Variants in EIF3K observed in about 807,000 individuals in gnomAD.
The protein encoded by EIF3K is eIF-3 p28.
In EIF3K, 27 loss-of-function variants were observed where a neutral mutation model predicts 34.2. The ratio of observed to expected loss-of-function variants is 0.79; its 90% CI spans 0.58 to 1.09. EIF3K has a LOEUF of 1.09. EIF3K is among the 50% of genes least tolerant of loss of function. The pLI is 0.00. For synonymous variants in EIF3K, 105 were observed against 105.7 expected, an observed-to-expected ratio of 0.99 and a Z score of 0.04; for missense variants, 232 against 275.4, an observed-to-expected ratio of 0.84 and a Z score of 1.11.
rs547047947 is a variant in EIF3K, at chr19:38,626,658, C to G, written c.354+556C>G. On this transcript the variant is annotated intron_variant, in intron 4 of 7. Transcript: ENST00000248342. ...GTCTCAAGAAAGAGAAATTCTCCGT[C>G]TCTTCTACCTGTCTGACATGCTCTG... is the stretch of plus-strand genomic sequence containing the variant. Among the ~76,000 whole-genome samples, 272 of 152,282 alleles carry G rather than the reference C, an allele frequency of 1.8e-3. 3 individuals are homozygous for G. Among genetic ancestry groups the G allele is most frequent in the Non-Finnish European group, 2.8e-3 (193 of 68,010 alleles).
At position 38,635,039 on chromosome 19, in the gene EIF3K, C is replaced by T. The variant is rs771679583; in HGVS notation, c.546C>T (p.Asp182=). ...VWMSKYGWSA[D]ESGQIFICSQ... is the part of the protein sequence containing the mutation. The stretch of plus-strand genomic sequence containing the variant: ...TGAGCAAATACGGCTGGAGTGCCGA[C>T]GAGTCGGGGCAGATCTTCATCTGTA... Residue 182 remains aspartate, a synonymous_variant, in exon 7 of 8, where the codon GAC becomes GAT. Coordinates refer to ENST00000248342, the MANE Select transcript of EIF3K (RefSeq NM_013234.4). 15 of 1,614,066 alleles carry T rather than the reference C, an allele frequency of 9.3e-6. No homozygotes were observed. The highest frequency in any genetic ancestry group is 6.7e-5 in the African/African-American group (5 of 74,944).
At chr19:38,634,918 C>T in intron 6 of EIF3K, 75 bp from the exon 7 acceptor site, 1 of 1,598,950 alleles carries the variant, frequency 6.3e-7, no homozygotes, top group Non-Finnish European at 8.5e-7. Context: ...TGAGCCATGA[C>T]TCTGTTGCCT....
At chr19:38,634,264 T>TTTA (rs1976137996) in intron 6 of EIF3K, among the ~76,000 whole-genome samples, 1 of 74,494 alleles carries the variant, frequency 1.3e-5, no homozygotes, top group Non-Finnish European at 2.4e-5. Flanking sequence ...GCCCAGCTAA[T>TTTA]TTTTTTTTTT....
Position 38,619,325 on chromosome 19 carries a change from C to G in EIF3K, c.57C>G (p.Asp19Glu), listed in dbSNP as rs1975781855. 1 of 1,613,794 alleles carries G rather than the reference C, an allele frequency of 6.2e-7. No homozygotes were observed. Among genetic ancestry groups the G allele is most frequent in the Non-Finnish European group, 8.5e-7 (1 of 1,179,900 alleles). Residue 19 changes from aspartate (D) to glutamate (E), a missense_variant and splice_region_variant, in exon 1 of 8, where the codon GAC becomes GAG. Coordinates refer to ENST00000248342, the MANE Select transcript of EIF3K (RefSeq NM_013234.4). ...ANVGKLLKGI[D>E]RYNPENLATL... ...TGGGCAAGTTGCTCAAGGGTATCGA[C>G]AGGTCTGAGCCCGGTTGGAGGAAGC...
intron 2 of EIF3K, 26 bp from the exon 3 acceptor site, chr19:38,624,051 G>T: frequency 1.9e-6 from 3 of 1,613,794 alleles, no homozygotes; most frequent in South Asian, 1.1e-5. Flanking sequence ...TGCCACTGTG[G>T]CCACGTCTCT....
At chr19:38,626,137 G>T (rs1242487079) in intron 4 of EIF3K, 35 bp downstream of exon 4, 1 of 1,595,120 alleles carries the variant, frequency 6.3e-7, no homozygotes. Context: ...AGGGGAGATG[G>T]CAGGGCCATG....
intron 2 of EIF3K, among the ~76,000 whole-genome samples, chr19:38,622,222 C>T (rs2368477): frequency 0.061 from 9,200 of 151,336 alleles, 1,044 homozygotes; most frequent in East Asian, 0.5. Flanking sequence ...CCTCCTGCCT[C>T]GGCCTCCTAA....
chr19:38,632,280 C>G, intron 4 of EIF3K, 150 bp from the exon 5 acceptor site: 1 of 700,814 alleles, frequency 1.4e-6, no homozygotes. Flanking sequence ...AATCTTAGCA[C>G]TTTGGGGGGC....
At chr19:38,622,217 T>C (rs573260195) in intron 2 of EIF3K, among the ~76,000 whole-genome samples, 1 of 151,908 alleles carries the variant, frequency 6.6e-6, no homozygotes, top group South Asian at 2.1e-4. Context: ...GTAATCCTCC[T>C]GCCTCGGCCT....
At position 38,632,169 on chromosome 19, in the gene EIF3K, G is replaced by A. The variant is rs144809217; in HGVS notation, c.355-261G>A. 5 of 431,134 alleles carry A rather than the reference G, an allele frequency of 1.2e-5. No homozygotes were observed. The East Asian group carries it at 1.3e-4, about 11-fold the overall frequency. The allele number at this position is 431,134 out of a possible 1,614,324, so 26.7% of individuals were successfully genotyped here. ...GGTGGCTCACCCCTGTAATCCCAAC[G>A]CTTTGAGAGGCCAGCGTGGGCAGAT... On this transcript the variant is annotated intron_variant, in intron 4 of 7. Coordinates refer to ENST00000248342, the MANE Select transcript of EIF3K (RefSeq NM_013234.4).
At position 38,621,204 on chromosome 19, in the gene EIF3K, A is replaced by T. The variant is rs1000757602; in HGVS notation, c.158+769A>T. 2.0e-5 allele frequency among the ~76,000 whole-genome samples: 3 copies of T among 151,656 alleles called. No homozygotes were observed. In the South Asian group the frequency reaches 6.2e-4, roughly 32 times the overall value. On this transcript the variant is annotated intron_variant, in intron 2 of 7. Transcript: ENST00000248342. Reference sequence around the variant, plus strand: ...GAGTGAGACCCCTCTTTTTAAAAAAAAAAAAAAAAAAAAGAATTACCAATT... The same window carrying T: ...GAGTGAGACCCCTCTTTTTAAAAAATAAAAAAAAAAAAAGAATTACCAATT...
intron 6 of EIF3K, 146 bp downstream of exon 6, chr19:38,632,824 A>G: frequency 3.0e-6 from 2 of 668,852 alleles, no homozygotes; most frequent in Non-Finnish European, 5.0e-6. Context: ...AGAACTTGGT[A>G]TAAGACAGTC....
At chr19:38,626,154 T>C (rs757859136) in intron 4 of EIF3K, 52 bp downstream of exon 4, 4 of 1,559,360 alleles carry the variant, frequency 2.6e-6, no homozygotes, top group Middle Eastern at 1.7e-4. Context: ...CATGTGGAGC[T>C]GAGTGCTAAA....
intron 4 of EIF3K, among the ~76,000 whole-genome samples, chr19:38,626,504 A>T (rs999679373): frequency 6.6e-6 from 1 of 152,112 alleles, no homozygotes; most frequent in Non-Finnish European, 1.5e-5. Context: ...ATTGAAAATT[A>T]ATTGGGTGTG....
chr19:38,619,927 C>T (rs1258108708), intron 1 of EIF3K, among the ~76,000 whole-genome samples: 1 of 152,070 alleles, frequency 6.6e-6, no homozygotes, highest in African/African-American at 2.4e-5. Flanking sequence ...GAAGCAAAGG[C>T]CAGAGTGTTC....
intron 4 of EIF3K, among the ~76,000 whole-genome samples, chr19:38,626,631 C>G (rs1418127859): frequency 2.6e-5 from 4 of 152,174 alleles, no homozygotes; most frequent in African/African-American, 7.2e-5. Flanking sequence ...GAGCAAGACC[C>G]TGTCTCAAGA....
At chr19:38,635,597 G>A (rs1976173125) in intron 7 of EIF3K, 1 of 184,520 alleles carries the variant, frequency 5.4e-6, no homozygotes, top group South Asian at 1.3e-4. Context: ...ACACTGTGTA[G>A]GTCCTTACAC....
Position 38,622,099 on chromosome 19 carries a change from C to CTT in EIF3K, c.158+1679_158+1680dup, listed in dbSNP as rs761519463. 4.6e-3 allele frequency among the ~76,000 whole-genome samples: 617 copies of CTT among 135,314 alleles called. 5 individuals carry two copies. The highest frequency in any genetic ancestry group is 0.015 in the African/African-American group (557 of 36,646). The allele number at this position is 135,314 out of a possible 152,430, so 88.8% of individuals were successfully genotyped here. A position where few individuals can be genotyped will look rare whatever the true frequency, so the allele number is the denominator to read the frequency against. On this transcript the variant is annotated intron_variant, in intron 2 of 7. Transcript: ENST00000248342. ...TTTACTTGGGTGCTTTCTTTCTTTCCTTTTTTTTTTTTTTTTGAGACAGGG... is the reference window on the plus strand; with the variant it reads ...TTTACTTGGGTGCTTTCTTTCTTTCCTTTTTTTTTTTTTTTTTTGAGACAGGG...
At chr19:38,621,331 T>C (rs1975836242) in intron 2 of EIF3K, among the ~76,000 whole-genome samples, 1 of 152,110 alleles carries the variant, frequency 6.6e-6, no homozygotes, top group African/African-American at 2.4e-5. Flanking sequence ...GAGAATTTTT[T>C]GAGCCTGGGA....
Sources: allele counts gnomAD v4.1 joint callset (sites outside exome capture counted in the v4.1 genomes callset), GRCh38; gene constraint gnomAD v4.1.1; transcripts MANE v1.5; gene names NCBI Gene and HGNC (gene_info 2026-07-23, HGNC 2026-07-21).